The following PRKN variants were observed in gnomAD, a reference collection of about 807,000 sequenced individuals.
The protein encoded by PRKN is parkin RBR E3 ubiquitin protein ligase.
Under a neutral mutation model 59.5 loss-of-function variants are expected in PRKN, and 56 were observed. The ratio of observed to expected loss-of-function variants is 0.94; its 90% CI spans 0.76 to 1.18. The LOEUF (loss-of-function observed/expected upper bound fraction) is 1.18, where lower values mean the gene tolerates loss of function less well. PRKN is among the 50% of genes most tolerant of loss of function. PRKN has a pLI of 0.00. For missense variants in PRKN, 657 were observed against 596.4 expected (o/e 1.10, Z -1.06); for synonymous variants, 250 against 222.1 (o/e 1.13, Z -1.12).
chr6:162,467,570 C>G (rs955564062), intron 1 of PRKN, among the ~76,000 whole-genome samples: 2 of 152,202 alleles, frequency 1.3e-5, no homozygotes, highest in Non-Finnish European at 2.9e-5. Flanking sequence ...TTCTCTACCT[C>G]TCTCCATCTG....
intron 1 of PRKN, among the ~76,000 whole-genome samples, chr6:162,649,576 T>C (rs1778337270): frequency 6.6e-6 from 1 of 152,084 alleles, no homozygotes; most frequent in Admixed American, 6.5e-5. Context: ...TTCAGAGAGA[T>C]TTGGGTTCCA....
intron 1 of PRKN, among the ~76,000 whole-genome samples, chr6:162,516,810 T>C (rs951692512): frequency 2.6e-5 from 4 of 151,958 alleles, no homozygotes; most frequent in African/African-American, 7.2e-5. Flanking sequence ...AAACATTTCT[T>C]ATTGAAACAT....
intron 6 of PRKN, among the ~76,000 whole-genome samples, chr6:161,792,506 A>G (rs1790678173): frequency 6.6e-6 from 1 of 152,218 alleles, no homozygotes; most frequent in South Asian, 2.1e-4. Context: ...GTTATTACAT[A>G]TGTATGAAGA....
At chr6:162,279,031 C>A (rs7764592) in intron 2 of PRKN, among the ~76,000 whole-genome samples, 1 of 151,906 alleles carries the variant, frequency 6.6e-6, no homozygotes, top group Non-Finnish European at 1.5e-5. Flanking sequence ...AAAGTAACCA[C>A]TGAAAATCAG....
At chr6:162,580,216 G>A (rs114589506) in intron 1 of PRKN, among the ~76,000 whole-genome samples, 251 of 152,146 alleles carry the variant, frequency 1.6e-3, no homozygotes, top group East Asian at 0.01. Flanking sequence ...GCAAGCAGAC[G>A]GCTTGAGCCC....
Position 162,546,424 on chromosome 6 carries a change from T to A in PRKN, c.8-102951A>T, listed in dbSNP as rs908988237. On this transcript the variant is annotated intron_variant, in intron 1 of 11. Transcript: ENST00000366898. ...GGTCGGTGTGCAGTTTTGACCTTGT[T>A]ATTTGACCAAGGAAAATTTAGCCAT... 4.5e-4 allele frequency among the ~76,000 whole-genome samples: 68 copies of A among 151,966 alleles called. 1 individual carries two copies. The highest frequency in any genetic ancestry group is 2.9e-5 in the Non-Finnish European group (2 of 67,992).
rs145339930 is a variant in PRKN, at chr6:161,734,547, T to A, written c.871+51225A>T. On this transcript the variant is annotated intron_variant, in intron 7 of 11. Coordinates refer to ENST00000366898, the MANE Select transcript of PRKN (RefSeq NM_004562.3). ...TACTCAGGCCTGGACTTGTGGAAAC[T>A]GAGGGGTAATACATTTGTGTTAAGT... Among the ~76,000 whole-genome samples, 214 of 152,278 alleles carry A rather than the reference T, an allele frequency of 1.4e-3. 1 individual carries two copies. The highest frequency in any genetic ancestry group is 5.0e-3 in the African/African-American group (208 of 41,558).
At chr6:162,026,114 T>G (rs1284036464) in intron 5 of PRKN, among the ~76,000 whole-genome samples, 10 of 152,142 alleles carry the variant, frequency 6.6e-5, no homozygotes, top group Admixed American at 6.5e-4. Flanking sequence ...AAATCTGAGC[T>G]TCTTCATTTC....
chr6:161,616,748 C>A (rs1030263801), intron 7 of PRKN, among the ~76,000 whole-genome samples: 1 of 152,018 alleles, frequency 6.6e-6, no homozygotes, highest in Non-Finnish European at 1.5e-5. Flanking sequence ...AACTCACCCC[C>A]TTAAGGCTGC....
intron 1 of PRKN, among the ~76,000 whole-genome samples, chr6:162,510,679 TTG>T (rs1777563713): frequency 6.6e-6 from 1 of 152,148 alleles, no homozygotes; most frequent in African/African-American, 2.4e-5. Flanking sequence ...TCCCAGCACT[TTG>T]GGAGGCCGGG....
intron 2 of PRKN, among the ~76,000 whole-genome samples, chr6:162,283,740 C>T (rs778334414): frequency 4.6e-5 from 7 of 152,068 alleles, no homozygotes; most frequent in Admixed American, 6.6e-5. Flanking sequence ...AGGCTGGTCT[C>T]GAACTCCTGA....
At chr6:162,556,871 C>T (rs913457794) in intron 1 of PRKN, among the ~76,000 whole-genome samples, 2 of 152,040 alleles carry the variant, frequency 1.3e-5, no homozygotes, top group Non-Finnish European at 2.9e-5. Flanking sequence ...GAGGGCAAGG[C>T]AGCACAGGGC....
At chr6:161,436,302 CCGGGATGGGAGGGCAGAGAGGAGGAGG>C (rs1562448145) in intron 9 of PRKN, among the ~76,000 whole-genome samples, 2 of 21,268 alleles carry the variant, frequency 9.4e-5, no homozygotes, top group Admixed American at 1.3e-3. Context: ...AGAGCAGGGG[CCGGGATGGGAGGGCAGAGAGGAGGAGG>C]CGGGATGGGA....
Position 161,575,338 on chromosome 6 carries a change from C to T in PRKN, c.872-5922G>A, listed in dbSNP as rs7755681. Among the ~76,000 whole-genome samples the T allele has an allele frequency of 0.64, 96,594 of 151,976 alleles. 31,290 individuals carry two copies. The highest frequency in any genetic ancestry group is 0.76 in the African/African-American group (31,490 of 41,460). On this transcript the variant is annotated intron_variant, in intron 7 of 11. Coordinates refer to ENST00000366898, the MANE Select transcript of PRKN (RefSeq NM_004562.3). The surrounding 1 kb of genome is among the most constrained non-coding windows in gnomAD (Gnocchi z 4.6). ...TAACGGGGAAGCTCCTCAATGAAAA[C>T]GCGTCACAAAGTTGTGTAGCATTTC...
chr6:162,116,715 G>A (rs1371860981), intron 4 of PRKN, among the ~76,000 whole-genome samples: 1 of 152,170 alleles, frequency 6.6e-6, no homozygotes, highest in African/African-American at 2.4e-5. Context: ...CAGAGAATAG[G>A]AAATATAGAA....
At chr6:161,613,665 T>A (rs1455454488) in intron 7 of PRKN, among the ~76,000 whole-genome samples, 3 of 152,092 alleles carry the variant, frequency 2.0e-5, no homozygotes, top group African/African-American at 7.2e-5. Flanking sequence ...GCAACCCTGA[T>A]CAGTCAGCAG....
Position 162,525,461 on chromosome 6 carries a change from G to A in PRKN, c.8-81988C>T, listed in dbSNP as rs528404260. Among the ~76,000 whole-genome samples the A allele has an allele frequency of 4.6e-5, 7 of 152,228 alleles. No homozygotes were observed. In the South Asian group the frequency reaches 1.5e-3, roughly 32 times the overall value. Reference sequence around the variant, plus strand: ...ATCGCTCACTCCCTCAGAGAGGCCAGGCTTGATCCAAATCCCACCTGCCCC... The same window carrying A: ...ATCGCTCACTCCCTCAGAGAGGCCAAGCTTGATCCAAATCCCACCTGCCCC... On this transcript the variant is annotated intron_variant, in intron 1 of 11. Coordinates refer to ENST00000366898, the MANE Select transcript of PRKN (RefSeq NM_004562.3).
At position 161,913,964 on chromosome 6, in the gene PRKN, CA is replaced by C. The variant is rs570169203; in HGVS notation, c.734+59337del. Among the ~76,000 whole-genome samples, 23 of 152,270 alleles carry C rather than the reference CA, an allele frequency of 1.5e-4. No individual in the cohort carries two copies. In the South Asian group the frequency reaches 4.8e-3, roughly 32 times the overall value. ...ACGAAGAGAGCCCTCACCAGGTTTC[CA>C]ATCGGCTGGAGCCTTCGACTTGGAC... On this transcript the variant is annotated intron_variant, in intron 6 of 11. Coordinates refer to ENST00000366898, the MANE Select transcript of PRKN (RefSeq NM_004562.3).
chr6:162,507,807 T>C lies in PRKN; in HGVS notation c.8-64334A>G, dbSNP rs143462831. ...ATCTACTTTATTCACAGGATTATCC[T>C]TGGCATTCTGCACAGATCCGACATG... On this transcript the variant is annotated intron_variant, in intron 1 of 11. Coordinates refer to ENST00000366898, the MANE Select transcript of PRKN (RefSeq NM_004562.3). Among the ~76,000 whole-genome samples, 827 of 152,306 alleles carry C rather than the reference T, an allele frequency of 5.4e-3. 6 individuals carry two copies. The highest frequency in any genetic ancestry group is 0.019 in the African/African-American group (795 of 41,562).
Sources: gnomAD v4.1 joint callset for allele counts (sites outside exome capture counted in the v4.1 genomes callset) on GRCh38, gnomAD v4.1.1 for gene constraint, Gnocchi (gnomAD v3.1) non-coding constraint, MANE v1.5 for transcripts, NCBI Gene and HGNC (gene_info 2026-07-23, HGNC 2026-07-21) for gene names.